Variants in RPS6KA2 observed in about 807,000 individuals in gnomAD.
RPS6KA2 encodes the protein ribosomal protein S6 kinase A2, also known as ribosomal protein S6 kinase alpha-2.
RPS6KA2 carries 42 observed loss-of-function variants against 91.8 expected under a neutral mutation model. The observed-to-expected ratio is 0.46, with a 90% CI of 0.36 to 0.59. The LOEUF (loss-of-function observed/expected upper bound fraction) is 0.59. Ranked by LOEUF, RPS6KA2 falls within the 20% of genes least tolerant of loss-of-function variation. The pLI, the probability that RPS6KA2 is intolerant of heterozygous loss-of-function variation, is 0.00. For synonymous variants in RPS6KA2, 414 were observed against 393.6 expected, an observed-to-expected ratio of 1.05 and a Z score of -0.61; for missense variants, 798 against 978.5, an observed-to-expected ratio of 0.82 and a Z score of 2.46.
intron 2 of RPS6KA2, among the ~76,000 whole-genome samples, chr6:166,781,202 G>A (rs1035282903): frequency 6.6e-6 from 1 of 152,226 alleles, no homozygotes; most frequent in Non-Finnish European, 1.5e-5. Context: ...CTTATTAAGT[G>A]TATTTAAGAC....
intron 12 of RPS6KA2, among the ~76,000 whole-genome samples, chr6:166,453,980 A>G (rs954104238): frequency 1.8e-4 from 27 of 152,346 alleles, no homozygotes; most frequent in African/African-American, 6.3e-4. Flanking sequence ...GTTCTCACTC[A>G]TAAGTGGGTG....
intron 2 of RPS6KA2, among the ~76,000 whole-genome samples, chr6:166,720,084 T>C (rs1383766811): frequency 2.6e-5 from 4 of 152,230 alleles, no homozygotes; most frequent in Non-Finnish European, 4.4e-5. Context: ...AATAAGACTT[T>C]CACTTATGTA....
chr6:166,653,116 A>G (rs1787908370), intron 2 of RPS6KA2, among the ~76,000 whole-genome samples: 1 of 152,226 alleles, frequency 6.6e-6, no homozygotes, highest in South Asian at 2.1e-4. Context: ...GCTGGAGTGT[A>G]GTGGCATGAT....
chr6:166,859,269 T>C (rs1019309576), intron 1 of RPS6KA2, among the ~76,000 whole-genome samples: 4 of 152,194 alleles, frequency 2.6e-5, no homozygotes, highest in Non-Finnish European at 5.9e-5. Flanking sequence ...AAATCATGCT[T>C]ATTCCTCCAA....
intron 1 of RPS6KA2, among the ~76,000 whole-genome samples, chr6:166,610,595 G>A (rs1786136426): frequency 6.6e-6 from 1 of 152,196 alleles, no homozygotes; most frequent in South Asian, 2.1e-4. Flanking sequence ...GGCCCCTCAG[G>A]AGTCTTTACC....
intron 1 of RPS6KA2, among the ~76,000 whole-genome samples, chr6:166,543,590 G>A (rs991329460): frequency 4.6e-5 from 7 of 152,098 alleles, no homozygotes; most frequent in African/African-American, 1.7e-4. Flanking sequence ...CCCTGGGTTC[G>A]CTCCCACCTC....
chr6:166,414,016 C>T (rs1778413213), intron 19 of RPS6KA2, 85 bp from the exon 20 acceptor site: 6 of 1,304,668 alleles, frequency 4.6e-6, no homozygotes, highest in Non-Finnish European at 6.4e-6. Flanking sequence ...ACTCCTCTCC[C>T]TCTATGGCAA....
exon 1 of RPS6KA2, chr6:166,862,246 G>A: frequency 6.2e-7 from 1 of 1,607,342 alleles, no homozygotes; most frequent in South Asian, 1.1e-5. Flanking sequence ...ACCGGCACAG[G>A]GGGACGGCCA....
chr6:166,664,058 T>C (rs137899837), intron 2 of RPS6KA2, among the ~76,000 whole-genome samples: 88 of 152,368 alleles, frequency 5.8e-4, no homozygotes, highest in African/African-American at 2.0e-3. Flanking sequence ...TTAAGTGTCA[T>C]AGAGGAAATT....
chr6:166,599,756 G>A (rs1023785069), intron 1 of RPS6KA2, among the ~76,000 whole-genome samples: 6 of 152,328 alleles, frequency 3.9e-5, no homozygotes, highest in Admixed American at 3.3e-4. Context: ...CCCAATATGC[G>A]CTCAGTAATG....
At chr6:166,614,905 A>G (rs1345499246) in intron 1 of RPS6KA2, among the ~76,000 whole-genome samples, 1 of 152,110 alleles carries the variant, frequency 6.6e-6, no homozygotes, top group African/African-American at 2.4e-5. Context: ...CAGGTCCTTA[A>G]CTTGATCGCA....
chr6:166,803,262 C>T (rs567620574), intron 2 of RPS6KA2, among the ~76,000 whole-genome samples: 1 of 152,134 alleles, frequency 6.6e-6, no homozygotes, highest in Non-Finnish European at 1.5e-5. Flanking sequence ...TCTTTGTTAC[C>T]TGAACAGGTT....
chr6:166,470,335 G>C (rs1780718071), intron 10 of RPS6KA2, among the ~76,000 whole-genome samples: 1 of 152,216 alleles, frequency 6.6e-6, no homozygotes, highest in African/African-American at 2.4e-5. Context: ...AGTTAACCCG[G>C]GAGGGAAGGA....
chr6:166,723,503 G>A (rs371290577), intron 2 of RPS6KA2, among the ~76,000 whole-genome samples: 118 of 152,300 alleles, frequency 7.7e-4, no homozygotes, highest in African/African-American at 2.7e-3. Flanking sequence ...ACCCCCAGTA[G>A]TACCAGGAAG....
At chr6:166,463,679 A>G (rs1281223478) in intron 11 of RPS6KA2, among the ~76,000 whole-genome samples, 1 of 152,120 alleles carries the variant, frequency 6.6e-6, no homozygotes, top group Non-Finnish European at 1.5e-5. Context: ...GGGGTCTCAG[A>G]CCCTAACATC....
rs921920856 is a variant in RPS6KA2, at chr6:166,490,261, C to T, written c.818+410G>A. Reference sequence around the variant, plus strand: ...GAGACCCCTGCTCCTGTGATCTCTCCGGACAAGGCCCTGGAGGCCTTGTGT... The same window carrying T: ...GAGACCCCTGCTCCTGTGATCTCTCTGGACAAGGCCCTGGAGGCCTTGTGT... On this transcript the variant is annotated intron_variant, in intron 9 of 20. Transcript: ENST00000265678. This position sits in a 1 kb window ranked among gnomAD's most constrained non-coding sequence, Gnocchi z 4.2. Among the ~76,000 whole-genome samples the T allele has an allele frequency of 5.3e-5, 8 of 152,130 alleles. No homozygotes were observed. The highest frequency in any genetic ancestry group is 3.9e-4 in the East Asian group (2 of 5,194).
intron 11 of RPS6KA2, among the ~76,000 whole-genome samples, chr6:166,464,477 C>T (rs139750130): frequency 2.0e-5 from 3 of 152,148 alleles, no homozygotes; most frequent in South Asian, 2.1e-4. Flanking sequence ...AGGCCCTGGA[C>T]AGAGTTCCAG....
intron 2 of RPS6KA2, among the ~76,000 whole-genome samples, chr6:166,675,911 G>C (rs1202216515): frequency 6.6e-6 from 1 of 152,090 alleles, no homozygotes. Context: ...TGCTTCTGAG[G>C]TCACCATTTG....
At chr6:166,426,012 C>T (rs1778904102) in intron 16 of RPS6KA2, among the ~76,000 whole-genome samples, 1 of 151,574 alleles carries the variant, frequency 6.6e-6, no homozygotes, top group South Asian at 2.1e-4. Flanking sequence ...TTTTTCAGCA[C>T]CACACCACAC....
Sources: allele counts gnomAD v4.1 joint callset (sites outside exome capture counted in the v4.1 genomes callset), GRCh38; gene constraint gnomAD v4.1.1; non-coding constraint Gnocchi (gnomAD v3.1); transcripts MANE v1.5; gene names NCBI Gene and HGNC (gene_info 2026-07-23, HGNC 2026-07-21).